COL24A1: variants seen among roughly 807,000 people sequenced by gnomAD.
The protein encoded by COL24A1 is collagen alpha-1(XXIV) chain.
COL24A1 carries 224 observed loss-of-function variants against 253.9 expected under a neutral mutation model. The observed-to-expected ratio is 0.88, with a 90% CI of 0.79 to 0.99. The LOEUF is 0.99. Ranked by LOEUF, COL24A1 falls within the 50% of genes least tolerant of loss-of-function variation. The pLI is 0.00. For missense variants in COL24A1, 2,131 were observed against 2,068.5 expected (o/e 1.03, Z -0.59); for synonymous variants, 685 against 673.7 (o/e 1.02, Z -0.26).
intron 24 of COL24A1, among the ~76,000 whole-genome samples, chr1:85,946,130 TA>T (rs1291080338): frequency 3.3e-5 from 5 of 152,206 alleles, no homozygotes; most frequent in African/African-American, 1.2e-4. Flanking sequence ...TGCTACATGA[TA>T]GCCAGAGGGT....
chr1:86,094,937 A>G (rs1459643749), intron 5 of COL24A1, among the ~76,000 whole-genome samples: 3 of 152,006 alleles, frequency 2.0e-5, no homozygotes, highest in Non-Finnish European at 2.9e-5. Flanking sequence ...ATTGGCAAAC[A>G]ATGTCCATTT....
rs143644001 is a variant in COL24A1 at position 86,033,673 on chromosome 1, A to G, written c.2004+197T>C. Among the ~76,000 whole-genome samples the G allele has an allele frequency of 2.6e-3, 389 of 152,266 alleles. 2 individuals carry two copies. Among genetic ancestry groups the G allele is most frequent in the African/African-American group, 9.0e-3 (375 of 41,558 alleles). On this transcript the variant is annotated intron_variant, in intron 13 of 59. Coordinates refer to ENST00000370571, the MANE Select transcript of COL24A1 (RefSeq NM_152890.7). Reference sequence around the variant, plus strand: ...ATCAAAATAATTAATTTAAAGATTGAATGTCATGATGAAATTTGAAATATT... The same window carrying G: ...ATCAAAATAATTAATTTAAAGATTGGATGTCATGATGAAATTTGAAATATT...
Position 86,086,285 on chromosome 1 carries a change from G to T in COL24A1, c.1707+2889C>A, listed in dbSNP as rs185181524. The stretch of plus-strand genomic sequence containing the variant: ...ACTGTCTAACAAATATCGAATTAAC[G>T]TGCTTCTGGCCAGAGTAACAGACCC... On this transcript the variant is annotated intron_variant, in intron 7 of 59. Coordinates refer to ENST00000370571, the MANE Select transcript of COL24A1 (RefSeq NM_152890.7). Among the ~76,000 whole-genome samples, 581 of 152,006 alleles carry T rather than the reference G, an allele frequency of 3.8e-3. 1 individual carries two copies. In the Middle Eastern group the frequency reaches 0.041, roughly 11 times the overall value.
intron 24 of COL24A1, among the ~76,000 whole-genome samples, chr1:85,957,290 T>C (rs776150611): frequency 6.6e-6 from 1 of 152,126 alleles, no homozygotes; most frequent in African/African-American, 2.4e-5. Context: ...CAAACCACCA[T>C]GGCACATGTA....
At chr1:85,944,412 T>C (rs1254763521) in intron 24 of COL24A1, among the ~76,000 whole-genome samples, 1 of 152,230 alleles carries the variant, frequency 6.6e-6, no homozygotes, top group African/African-American at 2.4e-5. Context: ...TGTTCTGTTG[T>C]GTTTTTTATG....
chr1:86,110,865 A>G (rs1296107513), intron 5 of COL24A1, among the ~76,000 whole-genome samples: 11 of 136,904 alleles, frequency 8.0e-5, no homozygotes, highest in Non-Finnish European at 1.6e-4. Context: ...AAGCCTCCCC[A>G]GTGGGGGCTC....
chr1:85,868,905 C>T lies in COL24A1; in HGVS notation c.3139-70G>A, dbSNP rs543280063. On this transcript the variant is annotated intron_variant, in intron 35 of 59. Coordinates refer to ENST00000370571, the MANE Select transcript of COL24A1 (RefSeq NM_152890.7). ...ATCATTTATCTTATTTTATTTTTAGCCCATAGTATATATGGAAAATAGCAA... is the reference window on the plus strand; with the variant it reads ...ATCATTTATCTTATTTTATTTTTAGTCCATAGTATATATGGAAAATAGCAA... 2,503 of 1,119,784 alleles carry T rather than the reference C, an allele frequency of 2.2e-3. 5 individuals carry two copies. The highest frequency in any genetic ancestry group is 2.8e-3 in the Non-Finnish European group (2,172 of 781,418). 69.4% of individuals were successfully genotyped at this position (1,119,784 alleles called of 1,614,324 possible).
intron 28 of COL24A1, among the ~76,000 whole-genome samples, chr1:85,904,370 C>A (rs770177780): frequency 6.6e-6 from 1 of 151,974 alleles, no homozygotes; most frequent in East Asian, 1.9e-4. Flanking sequence ...GGAGTAATAC[C>A]AAGGGATCAG....
At position 85,847,720 on chromosome 1, in the gene COL24A1, G is replaced by A; in HGVS notation, c.3407C>T (p.Pro1136Leu). ...AGGACCACTTTTCCCAATTTTTCCA[G>A]GAGGACCTCTGCTTCCAACTTCTCC... The part of the protein sequence containing the change: ...PTGEVGSRGP[P>L]GKIGKSGPKG... The change falls in exon 39 of 60, where the codon CCT (proline) becomes CTT (leucine). Residue 1136 changes from proline to leucine, a missense_variant. Physicochemically the swap from Pro to Leu is moderately conservative, Grantham distance 98. Transcript: ENST00000370571. The A allele has an allele frequency of 3.1e-6, 5 of 1,613,764 alleles. No homozygotes were observed. The highest frequency in any genetic ancestry group is 4.2e-6 in the Non-Finnish European group (5 of 1,179,832).
intron 2 of COL24A1, among the ~76,000 whole-genome samples, chr1:86,144,488 G>A (rs965840269): frequency 2.0e-5 from 3 of 152,046 alleles, no homozygotes; most frequent in Non-Finnish European, 4.4e-5. Flanking sequence ...AATCTAAGCT[G>A]TAGGTGAGCC....
intron 32 of COL24A1, 53 bp from the exon 33 acceptor site, chr1:85,877,228 T>A: frequency 7.8e-7 from 1 of 1,284,036 alleles, no homozygotes; most frequent in Non-Finnish European, 1.1e-6. Flanking sequence ...TCTATGTCAG[T>A]AAATGTATTC....
chr1:86,038,223 A>T (rs1235046540), intron 12 of COL24A1, among the ~76,000 whole-genome samples: 1 of 152,130 alleles, frequency 6.6e-6, no homozygotes, highest in East Asian at 1.9e-4. Context: ...TTACCTCAGG[A>T]AGAATAAATC....
At chr1:85,804,855 C>CTTT (rs1002896976) in intron 47 of COL24A1, among the ~76,000 whole-genome samples, 2 of 143,344 alleles carry the variant, frequency 1.4e-5, no homozygotes, top group Non-Finnish European at 3.1e-5. Flanking sequence ...GGCAAATACT[C>CTTT]TTTTTTTTTT....
chr1:85,846,790 A>G (rs1025752994), intron 39 of COL24A1, among the ~76,000 whole-genome samples: 5 of 152,092 alleles, frequency 3.3e-5, no homozygotes, highest in Admixed American at 6.6e-5. Context: ...ATGTTTTTGT[A>G]TACAGGTCAA....
chr1:86,046,696 A>G lies in COL24A1; in HGVS notation c.1950+129T>C, dbSNP rs1699928223. The G allele has an allele frequency of 2.7e-6, 3 of 1,098,580 alleles. No homozygotes were observed. The East Asian group carries it at 7.3e-5, about 27-fold the overall frequency. The allele number at this position is 1,098,580 out of a possible 1,614,324, so 68.1% of individuals were successfully genotyped here. A position where few individuals can be genotyped will look rare whatever the true frequency, so the allele number is the denominator to read the frequency against. On this transcript the variant is annotated intron_variant, in intron 12 of 59. Transcript: ENST00000370571. ...TTATTTGATACACTATTCAAGAGGCAAAAATTAAAATGGAATGATTATAAA... is the reference window on the plus strand; with the variant it reads ...TTATTTGATACACTATTCAAGAGGCGAAAATTAAAATGGAATGATTATAAA...
chr1:86,061,667 A>G (rs930727304), intron 8 of COL24A1, among the ~76,000 whole-genome samples: 7 of 152,110 alleles, frequency 4.6e-5, no homozygotes, highest in Non-Finnish European at 7.4e-5. Context: ...TAATCTTTAT[A>G]TGGCATAAAC....
intron 19 of COL24A1, among the ~76,000 whole-genome samples, chr1:86,006,736 A>G (rs910567242): frequency 6.6e-6 from 1 of 152,186 alleles, no homozygotes; most frequent in Non-Finnish European, 1.5e-5. Context: ...TGCAAAAGGC[A>G]CATCTGATAA....
chr1:85,842,396 G>GA lies in COL24A1; in HGVS notation c.3463-4dup, dbSNP rs1676713354. The stretch of plus-strand genomic sequence containing the variant: ...GGTCCCATCAATCCTAAATGTCCCT[G>GA]AAAAACAAAGTAAATATTAGTGAGA... On this transcript the variant is annotated splice_polypyrimidine_tract_variant and splice_region_variant and intron_variant, in intron 39 of 59. Transcript: ENST00000370571. The GA allele has an allele frequency of 4.4e-6, 7 of 1,586,312 alleles. No homozygotes were observed. Among genetic ancestry groups the GA allele is most frequent in the Non-Finnish European group, 6.0e-6 (7 of 1,159,888 alleles).
chr1:86,028,918 C>A lies in COL24A1; in HGVS notation c.2049+2960G>T, dbSNP rs549953713. Among the ~76,000 whole-genome samples the A allele has an allele frequency of 6.6e-5, 10 of 152,250 alleles. 1 individual carries two copies. In the East Asian group the frequency reaches 1.9e-3, roughly 29 times the overall value. ...CTTTGCTAGTATACAAATAGTATGT[C>A]ATGGACATGTGGGTAAGAACTAAAC... On this transcript the variant is annotated intron_variant, in intron 14 of 59. Coordinates refer to ENST00000370571, the MANE Select transcript of COL24A1 (RefSeq NM_152890.7).
Sources: gnomAD v4.1 joint callset for allele counts (sites outside exome capture counted in the v4.1 genomes callset) on GRCh38, gnomAD v4.1.1 for gene constraint, MANE v1.5 for transcripts, NCBI Gene and HGNC (gene_info 2026-07-23, HGNC 2026-07-21) for gene names.